GRIA1: variants seen among roughly 807,000 people sequenced by gnomAD.
The protein encoded by GRIA1 is glutamate receptor 1.
Under a neutral mutation model 99.2 loss-of-function variants are expected in GRIA1, and 31 were observed. The observed-to-expected ratio is 0.31, with a 90% CI of 0.23 to 0.42. The LOEUF is 0.42. GRIA1 is among the 10% of genes least tolerant of loss of function. The pLI, the probability that GRIA1 is intolerant of heterozygous loss-of-function variation, is 1.00. For missense variants in GRIA1, 782 were observed against 1,157.5 expected, an observed-to-expected ratio of 0.68 and a Z score of 4.71; for synonymous variants, 438 against 432.4, an observed-to-expected ratio of 1.01 and a Z score of -0.16.
rs774190754 is a variant in GRIA1 at position 153,573,458 on chromosome 5, C to G, written c.221-73470C>G. Among the ~76,000 whole-genome samples the G allele has an allele frequency of 2.0e-5, 3 of 152,276 alleles. No homozygotes were observed. The South Asian group carries it at 6.2e-4, about 32-fold the overall frequency. ...ACAGTTTCCAATATGTAGTCAGCAT[C>G]TGATACATGTTGGCTGCAATCATTA... On this transcript the variant is annotated intron_variant, in intron 2 of 15. Transcript: ENST00000285900.
rs190839718 is a variant in GRIA1, at chr5:153,782,789, G to A, written c.2271-11832G>A. Among the ~76,000 whole-genome samples, 394 of 152,252 alleles carry A rather than the reference G, an allele frequency of 2.6e-3. 1 individual carries two copies. The highest frequency in any genetic ancestry group is 4.2e-3 in the Non-Finnish European group (284 of 68,016). On this transcript the variant is annotated intron_variant, in intron 13 of 15. Transcript: ENST00000285900. ...AGCCAGGCGGAAGACGGGGAGGAAG[G>A]TATTTCAGGAAAAGCCACCGCAAGC...
Position 153,677,081 on chromosome 5 carries a change from C to G in GRIA1, c.949C>G (p.Arg317Gly). The G allele has an allele frequency of 6.3e-7, 1 of 1,584,780 alleles. No individual in the cohort carries two copies. Among genetic ancestry groups the G allele is most frequent in the Non-Finnish European group, 8.6e-7 (1 of 1,163,298 alleles). Residue 317 changes from arginine to glycine, a missense_variant, in exon 7 of 16, where the codon CGG (arginine) becomes GGG (glycine). Physicochemically the swap from Arg to Gly is moderately radical, Grantham distance 125. Coordinates refer to ENST00000285900, the MANE Select transcript of GRIA1 (RefSeq NM_000827.4). ...GAGGCAGAGAATTGATATATCTCGC[C>G]GGGGGAATGCTGGGGATTGTCTGGC... The part of the protein sequence containing the change: ...LRRQRIDISR[R>G]GNAGDCLANP...
chr5:153,620,462 C>A (rs778563842), intron 2 of GRIA1, among the ~76,000 whole-genome samples: 2 of 152,126 alleles, frequency 1.3e-5, no homozygotes, highest in East Asian at 1.9e-4. Context: ...AGCCTATAGC[C>A]TCTGGTCAGT....
At chr5:153,556,102 AATCT>A (rs1760614867) in intron 2 of GRIA1, among the ~76,000 whole-genome samples, 1 of 152,176 alleles carries the variant, frequency 6.6e-6, no homozygotes, top group African/African-American at 2.4e-5. Flanking sequence ...TAAAGCTGTT[AATCT>A]ATCTGTTCAT....
chr5:153,634,662 G>A (rs1753223886), intron 2 of GRIA1, among the ~76,000 whole-genome samples: 1 of 152,190 alleles, frequency 6.6e-6, no homozygotes, highest in East Asian at 1.9e-4. Context: ...TGCGGAAAAG[G>A]AAAGGCAAGT....
At position 153,631,819 on chromosome 5, in the gene GRIA1, C is replaced by A. The variant is rs147055301; in HGVS notation, c.221-15109C>A. Among the ~76,000 whole-genome samples the A allele has an allele frequency of 5.1e-4, 77 of 151,970 alleles. 4 individuals are homozygous for A. The South Asian group carries it at 0.015, about 30-fold the overall frequency. On this transcript the variant is annotated intron_variant, in intron 2 of 15. Coordinates refer to ENST00000285900, the MANE Select transcript of GRIA1 (RefSeq NM_000827.4). ...AAGGATACAAACTAAATGTTGTGAC[C>A]GAGAACAGCAGGATGACCTGCTTAA... is the stretch of plus-strand genomic sequence containing the variant.
chr5:153,587,362 G>A (rs1763582071), intron 2 of GRIA1, among the ~76,000 whole-genome samples: 1 of 152,128 alleles, frequency 6.6e-6, no homozygotes, highest in South Asian at 2.1e-4. Context: ...AGCAGATGCT[G>A]GTGCTATGCT....
chr5:153,664,522 T>G (rs980986869), intron 5 of GRIA1, among the ~76,000 whole-genome samples: 3 of 152,072 alleles, frequency 2.0e-5, no homozygotes, highest in Non-Finnish European at 4.4e-5. Context: ...ACTTTTTTTT[T>G]TTCAGGCTTC....
intron 2 of GRIA1, among the ~76,000 whole-genome samples, chr5:153,520,362 G>A (rs1757025491): frequency 6.6e-6 from 1 of 152,186 alleles, no homozygotes. Flanking sequence ...ACCCACAGTG[G>A]AGCCTTGAAG....
At chr5:153,534,261 G>A (rs1040668290) in intron 2 of GRIA1, among the ~76,000 whole-genome samples, 1 of 152,160 alleles carries the variant, frequency 6.6e-6, no homozygotes, top group Non-Finnish European at 1.5e-5. Flanking sequence ...TTGTCTTGCT[G>A]AACAGTCAGG....
intron 13 of GRIA1, among the ~76,000 whole-genome samples, chr5:153,792,735 T>C (rs1765377455): frequency 6.6e-6 from 1 of 152,056 alleles, no homozygotes; most frequent in Admixed American, 6.6e-5. Context: ...CTCTCTCTCC[T>C]TTCTTTCTTT....
chr5:153,508,110 G>A (rs1406301223), intron 2 of GRIA1, among the ~76,000 whole-genome samples: 1 of 152,170 alleles, frequency 6.6e-6, no homozygotes, highest in Non-Finnish European at 1.5e-5. Flanking sequence ...TACAAACATA[G>A]CCAAATAGAG....
chr5:153,667,161 C>T (rs367794320), intron 5 of GRIA1, among the ~76,000 whole-genome samples: 15 of 152,326 alleles, frequency 9.8e-5, no homozygotes, highest in African/African-American at 3.4e-4. Flanking sequence ...TTTCTCTCAA[C>T]TTACCTCCTG....
At chr5:153,545,490 C>A (rs1759528763) in intron 2 of GRIA1, among the ~76,000 whole-genome samples, 1 of 152,070 alleles carries the variant, frequency 6.6e-6, no homozygotes, top group Admixed American at 6.6e-5. Context: ...TCATAACCTT[C>A]TATGCATTTC....
chr5:153,754,417 G>A (rs1346422139), intron 11 of GRIA1, among the ~76,000 whole-genome samples: 7 of 152,246 alleles, frequency 4.6e-5, no homozygotes, highest in African/African-American at 7.2e-5. Flanking sequence ...TTCAGTAGGC[G>A]GGGATGTAGG....
At chr5:153,532,915 AG>A (rs1282526326) in intron 2 of GRIA1, among the ~76,000 whole-genome samples, 1 of 152,360 alleles carries the variant, frequency 6.6e-6, no homozygotes, top group Admixed American at 6.5e-5. Flanking sequence ...GACTGAGTCA[AG>A]AAATTTTTAA....
At chr5:153,568,707 C>G (rs1761866675) in intron 2 of GRIA1, among the ~76,000 whole-genome samples, 2 of 152,102 alleles carry the variant, frequency 1.3e-5, no homozygotes, top group Non-Finnish European at 2.9e-5. Context: ...CTAATTTGTA[C>G]CTAGCTTATT....
intron 5 of GRIA1, 111 bp from the exon 6 acceptor site, chr5:153,674,389 G>T (rs1172382795): frequency 3.4e-6 from 4 of 1,159,906 alleles, no homozygotes; most frequent in Non-Finnish European, 3.8e-6. Context: ...TCTCTCCATT[G>T]AGTAGGTTTC....
intron 11 of GRIA1, among the ~76,000 whole-genome samples, chr5:153,712,944 C>T (rs908912259): frequency 2.6e-5 from 4 of 152,198 alleles, no homozygotes; most frequent in Admixed American, 1.3e-4. Flanking sequence ...TCACAAGCCT[C>T]CCCACCCACT....
Sources: allele counts gnomAD v4.1 joint callset (sites outside exome capture counted in the v4.1 genomes callset), GRCh38; gene constraint gnomAD v4.1.1; transcripts MANE v1.5; gene names NCBI Gene and HGNC (gene_info 2026-07-23, HGNC 2026-07-21).